Variants in RIMS1 observed in about 807,000 individuals in gnomAD.
RIMS1 encodes the protein regulating synaptic membrane exocytosis 1.
Under a neutral mutation model 214.1 loss-of-function variants are expected in RIMS1, and 83 were observed. The ratio of observed to expected loss-of-function variants is 0.39; its 90% CI spans 0.32 to 0.47. RIMS1 has a LOEUF of 0.47. Among genes scored for constraint, RIMS1 ranks in the 20% least tolerant of loss-of-function variants. The pLI is 0.99. For synonymous variants in RIMS1, 793 were observed against 786.8 expected (o/e 1.01, Z -0.13); for missense variants, 2,050 against 2,161.8 (o/e 0.95, Z 1.03).
At chr6:72,326,252 A>G (rs537276441) in intron 28 of RIMS1, among the ~76,000 whole-genome samples, 9 of 151,928 alleles carry the variant, frequency 5.9e-5, no homozygotes, top group South Asian at 2.1e-4. Context: ...CTATCCTGAC[A>G]TAGCCCCTCG....
At chr6:72,081,974 T>G (rs1189411204) in intron 2 of RIMS1, among the ~76,000 whole-genome samples, 1 of 152,194 alleles carries the variant, frequency 6.6e-6, no homozygotes, top group East Asian at 1.9e-4. Context: ...TGCCTTGAAA[T>G]GCACTCCAGA....
chr6:72,183,190 T>C, intron 6 of RIMS1, 41 bp downstream of exon 6: 1 of 1,567,866 alleles, frequency 6.4e-7, no homozygotes, highest in Non-Finnish European at 8.6e-7. Flanking sequence ...TTCAGCCAAG[T>C]GAAGAGGCGT....
At chr6:71,943,390 C>T (rs1472937875) in intron 1 of RIMS1, among the ~76,000 whole-genome samples, 3 of 152,042 alleles carry the variant, frequency 2.0e-5, no homozygotes, top group African/African-American at 4.8e-5. Context: ...CTGGATTATC[C>T]CAAACACTTT....
At chr6:72,303,882 T>C (rs572108910) in intron 26 of RIMS1, among the ~76,000 whole-genome samples, 2 of 151,736 alleles carry the variant, frequency 1.3e-5, no homozygotes, top group Non-Finnish European at 3.0e-5. Flanking sequence ...AAAATTGTAA[T>C]ATTACATCTG....
At chr6:72,262,711 A>G (rs186869434) in intron 19 of RIMS1, 36 of 774,132 alleles carry the variant, frequency 4.7e-5, no homozygotes, top group Admixed American at 2.5e-4. Context: ...ACAACTTTAT[A>G]TGGATATATC....
chr6:72,204,778 A>T (rs1470880575), intron 6 of RIMS1, among the ~76,000 whole-genome samples: 1 of 152,138 alleles, frequency 6.6e-6, no homozygotes, highest in African/African-American at 2.4e-5. Context: ...TACATTGTTG[A>T]ATGTTTCTTT....
chr6:72,337,740 C>T (rs564818481), intron 29 of RIMS1, among the ~76,000 whole-genome samples: 3 of 106,518 alleles, frequency 2.8e-5, no homozygotes, highest in African/African-American at 1.1e-4. Flanking sequence ...TCCCTCCCCC[C>T]TCCCCCCACC....
intron 28 of RIMS1, among the ~76,000 whole-genome samples, chr6:72,318,527 AT>A (rs1398320108): frequency 6.6e-6 from 1 of 152,088 alleles, no homozygotes; most frequent in Admixed American, 6.6e-5. Flanking sequence ...TTAATTATAG[AT>A]TGGTTCATTT....
At chr6:72,056,288 A>G (rs1310812535) in intron 2 of RIMS1, among the ~76,000 whole-genome samples, 1 of 151,956 alleles carries the variant, frequency 6.6e-6, no homozygotes, top group Non-Finnish European at 1.5e-5. Flanking sequence ...GGCAGTGAGG[A>G]TCAAAAAAAG....
chr6:72,314,842 T>G (rs1325078708), intron 28 of RIMS1, among the ~76,000 whole-genome samples: 1 of 152,152 alleles, frequency 6.6e-6, no homozygotes, highest in Non-Finnish European at 1.5e-5. Flanking sequence ...ACTTTTTTTT[T>G]ACCTTATTCA....
intron 6 of RIMS1, among the ~76,000 whole-genome samples, chr6:72,228,107 G>A (rs1418512134): frequency 6.6e-6 from 1 of 151,766 alleles, no homozygotes; most frequent in South Asian, 2.1e-4. Context: ...AAACATATCC[G>A]TCACCTCCAA....
At chr6:72,287,747 A>G (rs1328520833) in intron 24 of RIMS1, among the ~76,000 whole-genome samples, 1 of 151,942 alleles carries the variant, frequency 6.6e-6, no homozygotes, top group Non-Finnish European at 1.5e-5. Context: ...GGTGCGTGCT[A>G]TACGCCCGGC....
chr6:72,163,656 C>G (rs1005177439), intron 4 of RIMS1, among the ~76,000 whole-genome samples: 4 of 140,448 alleles, frequency 2.8e-5, no homozygotes, highest in African/African-American at 9.9e-5. Context: ...TACTCCAGAC[C>G]CTGTTTGCCT....
intron 2 of RIMS1, among the ~76,000 whole-genome samples, chr6:72,024,900 GTTTTT>G (rs777214787): frequency 8.1e-5 from 8 of 98,666 alleles, no homozygotes; most frequent in African/African-American, 3.0e-4. Flanking sequence ...AAATCTGTGG[GTTTTT>G]TTTTTTTTTT....
intron 4 of RIMS1, among the ~76,000 whole-genome samples, chr6:72,129,155 T>G (rs1313062479): frequency 2.6e-5 from 4 of 152,204 alleles, no homozygotes; most frequent in African/African-American, 4.8e-5. Flanking sequence ...GCCCTAAAAT[T>G]ATCTTTGAAA....
At chr6:72,337,219 G>C (rs1476406864) in intron 29 of RIMS1, among the ~76,000 whole-genome samples, 1 of 151,780 alleles carries the variant, frequency 6.6e-6, no homozygotes, top group African/African-American at 2.4e-5. Flanking sequence ...TTTAATCTCT[G>C]TTGATTTTAG....
chr6:72,333,650 C>A lies in RIMS1; in HGVS notation c.4181C>A (p.Ser1394Tyr), dbSNP rs1000241986. Residue 1394 changes from serine (S) to tyrosine (Y), a missense_variant, in exon 29 of 34, where the codon TCC (serine) becomes TAC (tyrosine). Coordinates refer to ENST00000521978, the MANE Select transcript of RIMS1 (RefSeq NM_014989.7). The part of the protein sequence containing the change: ...QGRRMGTSGR[S>Y]IMKSTSVSGE... ...AGACGGATGGGGACTTCAGGAAGATCCATCATGAAGAGCACCAGTGTCAGT... is the reference window on the plus strand; with the variant it reads ...AGACGGATGGGGACTTCAGGAAGATACATCATGAAGAGCACCAGTGTCAGT... 6.3e-7 allele frequency: 1 copy of A among 1,597,924 alleles called. No homozygotes were observed.
At chr6:71,932,455 C>T (rs570196871) in intron 1 of RIMS1, among the ~76,000 whole-genome samples, 1 of 151,942 alleles carries the variant, frequency 6.6e-6, no homozygotes, top group Non-Finnish European at 1.5e-5. Context: ...AGGGGAACAA[C>T]ACACAATGGG....
chr6:72,360,095 C>A (rs761957151), intron 29 of RIMS1, among the ~76,000 whole-genome samples: 1 of 152,082 alleles, frequency 6.6e-6, no homozygotes, highest in Non-Finnish European at 1.5e-5. Context: ...GTTTTGTTCA[C>A]CCTCCAAATT....
Sources: gnomAD v4.1 joint callset for allele counts (sites outside exome capture counted in the v4.1 genomes callset) on GRCh38, gnomAD v4.1.1 for gene constraint, MANE v1.5 for transcripts, NCBI Gene and HGNC (gene_info 2026-07-23, HGNC 2026-07-21) for gene names.